Variants in CSMD1 observed in about 807,000 individuals in gnomAD.
CSMD1 encodes the protein CUB and sushi domain-containing protein 1.
Under a neutral mutation model 417.5 loss-of-function variants are expected in CSMD1, and 213 were observed. The ratio of observed to expected loss-of-function variants is 0.51; its 90% CI spans 0.46 to 0.57. The LOEUF (loss-of-function observed/expected upper bound fraction) is 0.57, where lower values mean the gene tolerates loss of function less well. CSMD1 is among the 20% of genes least tolerant of loss of function. The probability of loss-of-function intolerance (pLI) is 0.00; values close to 1 mark genes in which losing one functional copy is unlikely to be tolerated. For missense variants in CSMD1, 6,923 were observed against 4,529.7 expected (o/e 1.53, Z -15.17); for synonymous variants, 2,862 against 1,736.8 (o/e 1.65, Z -16.11).
At chr8:3,279,433 C>T (rs1234147338) in intron 26 of CSMD1, among the ~76,000 whole-genome samples, 2 of 152,146 alleles carry the variant, frequency 1.3e-5, no homozygotes, top group South Asian at 4.1e-4. Context: ...TATTTTACAG[C>T]CCTGATTGTA....
At chr8:3,687,905 T>C (rs2624078) in intron 7 of CSMD1, among the ~76,000 whole-genome samples, 22,580 of 152,266 alleles carry the variant, frequency 0.15, 1,823 homozygotes, top group African/African-American at 0.21. Flanking sequence ...AGAGCAGCTG[T>C]GAGCTCTGAG....
chr8:4,605,525 A>G (rs556741577), intron 2 of CSMD1, among the ~76,000 whole-genome samples: 1 of 152,358 alleles, frequency 6.6e-6, no homozygotes, highest in East Asian at 1.9e-4. Context: ...AACAGAGTTA[A>G]CAGAAAAATT....
At chr8:3,224,737 G>C (rs1417048339) in intron 27 of CSMD1, among the ~76,000 whole-genome samples, 1 of 152,172 alleles carries the variant, frequency 6.6e-6, no homozygotes, top group African/African-American at 2.4e-5. Context: ...TAATTATGTA[G>C]CTCAATGTGG....
At chr8:4,818,741 C>G (rs1471449572) in intron 1 of CSMD1, among the ~76,000 whole-genome samples, 1 of 152,160 alleles carries the variant, frequency 6.6e-6, no homozygotes, top group African/African-American at 2.4e-5. Context: ...GCAAACATAA[C>G]TCATAGTCTG....
At chr8:3,859,239 G>C (rs563148211) in intron 5 of CSMD1, among the ~76,000 whole-genome samples, 1 of 152,206 alleles carries the variant, frequency 6.6e-6, no homozygotes, top group Non-Finnish European at 1.5e-5. Context: ...CTTCTCAAGT[G>C]AACGCCATTC....
chr8:3,390,947 G>A (rs1021318666), intron 17 of CSMD1, among the ~76,000 whole-genome samples: 61 of 152,002 alleles, frequency 4.0e-4, no homozygotes, highest in African/African-American at 1.5e-3. Context: ...TAAAGCCAGT[G>A]AGCCAAGAAA....
chr8:3,626,110 T>C (rs1056909509), intron 7 of CSMD1, among the ~76,000 whole-genome samples: 1 of 152,210 alleles, frequency 6.6e-6, no homozygotes, highest in Admixed American at 6.5e-5. Flanking sequence ...TGATTCCACA[T>C]GGTGCTCTGA....
chr8:4,326,259 A>G (rs998054590), intron 3 of CSMD1, among the ~76,000 whole-genome samples: 4 of 152,170 alleles, frequency 2.6e-5, no homozygotes, highest in Admixed American at 2.6e-4. Context: ...AAGACTGCAG[A>G]TCATCTTCAC....
intron 5 of CSMD1, among the ~76,000 whole-genome samples, chr8:3,956,232 G>C (rs528724828): frequency 6.8e-6 from 1 of 147,954 alleles, no homozygotes; most frequent in South Asian, 2.1e-4. Flanking sequence ...GCCAGGTGGT[G>C]TTGTTAACTT....
At chr8:2,958,003 T>C (rs1803142728) in intron 62 of CSMD1, among the ~76,000 whole-genome samples, 196 bp from the exon 63 acceptor site, 1 of 152,248 alleles carries the variant, frequency 6.6e-6, no homozygotes, top group Non-Finnish European at 1.5e-5. Flanking sequence ...GCTCAATGAA[T>C]AATGTAAGAT....
At chr8:3,380,672 A>G (rs187681533) in intron 18 of CSMD1, among the ~76,000 whole-genome samples, 1 of 152,256 alleles carries the variant, frequency 6.6e-6, no homozygotes, top group African/African-American at 2.4e-5. Flanking sequence ...TCTCACTCAT[A>G]AGAGGGAGCT....
At chr8:4,620,537 A>G (rs1471093821) in intron 2 of CSMD1, among the ~76,000 whole-genome samples, 2 of 151,814 alleles carry the variant, frequency 1.3e-5, no homozygotes, top group African/African-American at 4.8e-5. Flanking sequence ...CAAGAAATCT[A>G]AAGAATAAAA....
At position 3,162,271 on chromosome 8, in the gene CSMD1, C is replaced by T; in HGVS notation, c.5732G>A (p.Gly1911Asp). The change falls in exon 38 of 70, where the codon GGT becomes GAT. Residue 1911 changes from glycine to aspartate, a missense_variant. Physicochemically the swap from Gly to Asp is moderately conservative, Grantham distance 94 (BLOSUM62 -1). Transcript: ENST00000635120. ...GGCTGGTTCTTGGCATGCAGCAAGACCTACAGCTAGAAATGCAAAGACAAA... is the reference window on the plus strand; with the variant it reads ...GGCTGGTTCTTGGCATGCAGCAAGATCTACAGCTAGAAATGCAAAGACAAA... ...AGFHLEYKTV[G>D]LAACQEPALP... The T allele has an allele frequency of 6.3e-7, 1 of 1,599,184 alleles. No individual in the cohort carries two copies.
chr8:4,145,970 T>G (rs1259517577), intron 3 of CSMD1, among the ~76,000 whole-genome samples: 2 of 150,928 alleles, frequency 1.3e-5, no homozygotes, highest in East Asian at 1.9e-4. Context: ...CCGCTGTCAT[T>G]TGTAGACAGG....
At chr8:4,248,285 T>A (rs926694341) in intron 3 of CSMD1, among the ~76,000 whole-genome samples, 1 of 152,128 alleles carries the variant, frequency 6.6e-6, no homozygotes. Flanking sequence ...CTATTCTTTA[T>A]ACAAACAATC....
chr8:3,448,878 A>G (rs1815504040), intron 12 of CSMD1, among the ~76,000 whole-genome samples: 1 of 152,244 alleles, frequency 6.6e-6, no homozygotes, highest in African/African-American at 2.4e-5. Context: ...TTACGCAGGC[A>G]TAATTCTATT....
intron 3 of CSMD1, among the ~76,000 whole-genome samples, chr8:4,047,730 AG>A (rs1798222156): frequency 6.6e-6 from 1 of 152,164 alleles, no homozygotes; most frequent in African/African-American, 2.4e-5. Flanking sequence ...AATGCTATGG[AG>A]AAAAATAAAT....
intron 1 of CSMD1, among the ~76,000 whole-genome samples, chr8:4,728,699 A>G (rs1360912103): frequency 2.0e-5 from 3 of 152,100 alleles, no homozygotes; most frequent in East Asian, 1.9e-4. Flanking sequence ...ATTGTTTTAC[A>G]TATTTCTATT....
chr8:4,627,792 C>T lies in CSMD1; in HGVS notation c.302+9550G>A, dbSNP rs115927140. 1.3e-3 allele frequency among the ~76,000 whole-genome samples: 191 copies of T among 152,142 alleles called. 3 individuals are homozygous for T. The highest frequency in any genetic ancestry group is 4.5e-3 in the African/African-American group (185 of 41,514). ...GCCTTGAACAGAAAAATAATGTAGG[C>T]AGACATATGAATAGTATAGGAATAG... On this transcript the variant is annotated intron_variant, in intron 2 of 69. Transcript: ENST00000635120.
Sources: gnomAD v4.1 joint callset for allele counts (sites outside exome capture counted in the v4.1 genomes callset) on GRCh38, gnomAD v4.1.1 for gene constraint, MANE v1.5 for transcripts, NCBI Gene and HGNC (gene_info 2026-07-23, HGNC 2026-07-21) for gene names.